The following GRIK2 variants were observed in gnomAD, a reference collection of about 807,000 sequenced individuals.
GRIK2 encodes glutamate receptor ionotropic, kainate 2.
GRIK2 carries 32 observed loss-of-function variants against 100.3 expected under a neutral mutation model. That is an observed-to-expected ratio of 0.32 (90% confidence interval 0.24 to 0.43). The LOEUF is 0.43. Ranked by LOEUF, GRIK2 falls within the 20% of genes least tolerant of loss-of-function variation. The probability of loss-of-function intolerance (pLI) is 1.00; values close to 1 mark genes in which losing one functional copy is unlikely to be tolerated. For synonymous variants in GRIK2, 417 were observed against 389.4 expected, an observed-to-expected ratio of 1.07 and a Z score of -0.83; for missense variants, 843 against 1,114.9, an observed-to-expected ratio of 0.76 and a Z score of 3.47.
At chr6:101,809,507 A>G (rs892779361) in intron 9 of GRIK2, among the ~76,000 whole-genome samples, 2 of 151,978 alleles carry the variant, frequency 1.3e-5, no homozygotes, top group Non-Finnish European at 2.9e-5. Context: ...TGAAATTTAC[A>G]TTAATTATAG....
chr6:101,813,708 A>G (rs1247466812), intron 9 of GRIK2, among the ~76,000 whole-genome samples: 1 of 152,154 alleles, frequency 6.6e-6, no homozygotes, highest in Non-Finnish European at 1.5e-5. Context: ...TCATGCTTGT[A>G]ATTTCACCAC....
intron 2 of GRIK2, among the ~76,000 whole-genome samples, chr6:101,601,746 T>C (rs117179483): frequency 0.03 from 4,591 of 151,980 alleles, 115 homozygotes; most frequent in Non-Finnish European, 0.044. Flanking sequence ...TCTCTGAGGA[T>C]CTTTTGTATT....
intron 7 of GRIK2, among the ~76,000 whole-genome samples, chr6:101,726,256 T>C (rs996705111): frequency 6.6e-6 from 1 of 152,012 alleles, no homozygotes; most frequent in Non-Finnish European, 1.5e-5. Context: ...TTAGCCTCTA[T>C]GTTTAATAGA....
chr6:101,979,197 A>T (rs1793573496), intron 14 of GRIK2, among the ~76,000 whole-genome samples: 1 of 151,964 alleles, frequency 6.6e-6, no homozygotes, highest in African/African-American at 2.4e-5. Context: ...AGGAAGTAGT[A>T]GTCAGAGAGT....
rs374989573 is a variant in GRIK2 at position 101,640,907 on chromosome 6, T to G, written c.541+14270T>G. Among the ~76,000 whole-genome samples, 13 of 152,288 alleles carry G rather than the reference T, an allele frequency of 8.5e-5. No individual in the cohort carries two copies. The South Asian group carries it at 2.7e-3, about 32-fold the overall frequency. ...CAATATGATAAACAAAGGCATCATT[T>G]TGTATGTAAAACAAATTTAAAATGT... On this transcript the variant is annotated intron_variant, in intron 4 of 16. Coordinates refer to ENST00000369134, the MANE Select transcript of GRIK2 (RefSeq NM_021956.5).
intron 2 of GRIK2, among the ~76,000 whole-genome samples, chr6:101,540,923 G>A (rs2128288421): frequency 6.6e-6 from 1 of 152,020 alleles, no homozygotes; most frequent in Non-Finnish European, 1.5e-5. Flanking sequence ...TAATACACCA[G>A]AATTTTAAGA....
intron 7 of GRIK2, among the ~76,000 whole-genome samples, chr6:101,794,456 A>G (rs1780146562): frequency 6.6e-6 from 1 of 151,966 alleles, no homozygotes; most frequent in Non-Finnish European, 1.5e-5. Context: ...TTGTGTTTAT[A>G]TCAAAGGTTA....
chr6:101,548,981 G>A (rs1337695564), intron 2 of GRIK2, among the ~76,000 whole-genome samples: 4 of 152,074 alleles, frequency 2.6e-5, no homozygotes, highest in Non-Finnish European at 5.9e-5. Flanking sequence ...TCTTGGAAGA[G>A]GCCAGATGGT....
intron 11 of GRIK2, among the ~76,000 whole-genome samples, chr6:101,865,898 GA>G (rs1158376485): frequency 1.3e-3 from 124 of 95,564 alleles, no homozygotes; most frequent in South Asian, 2.9e-3. Flanking sequence ...CAAAAAAAAA[GA>G]AAAAAAAAAA....
intron 2 of GRIK2, among the ~76,000 whole-genome samples, chr6:101,556,317 G>T (rs1776734711): frequency 2.7e-5 from 2 of 73,524 alleles, no homozygotes; most frequent in South Asian, 3.8e-4. Flanking sequence ...GTAATATATT[G>T]GTAATTTTTT....
chr6:101,762,508 C>T (rs534988731), intron 7 of GRIK2, among the ~76,000 whole-genome samples: 17 of 152,184 alleles, frequency 1.1e-4, no homozygotes, highest in South Asian at 4.1e-4. Flanking sequence ...GCAGGGATTA[C>T]ACGTGTGAGC....
At chr6:101,461,600 G>A (rs1771311545) in intron 2 of GRIK2, among the ~76,000 whole-genome samples, 1 of 152,128 alleles carries the variant, frequency 6.6e-6, no homozygotes, top group Admixed American at 6.5e-5. Context: ...AATCCATGAT[G>A]GTTTCCACAT....
At chr6:102,052,699 A>G (rs1237205661) in intron 15 of GRIK2, among the ~76,000 whole-genome samples, 1 of 152,220 alleles carries the variant, frequency 6.6e-6, no homozygotes, top group Non-Finnish European at 1.5e-5. Flanking sequence ...TCACAAAATA[A>G]ATACTTAAGT....
intron 15 of GRIK2, among the ~76,000 whole-genome samples, chr6:102,036,938 A>G (rs1241498713): frequency 1.3e-5 from 2 of 151,408 alleles, no homozygotes; most frequent in Admixed American, 6.6e-5. Context: ...AATGCTGTAC[A>G]TGCTTTGGAC....
chr6:101,651,096 G>C (rs1781770238), intron 4 of GRIK2, among the ~76,000 whole-genome samples: 1 of 138,728 alleles, frequency 7.2e-6, no homozygotes, highest in Non-Finnish European at 1.5e-5. Context: ...CATCTAAAAT[G>C]TTTCACTCTC....
At chr6:101,451,698 G>GT in intron 2 of GRIK2, among the ~76,000 whole-genome samples, 1 of 59,178 alleles carries the variant, frequency 1.7e-5, no homozygotes, top group Admixed American at 2.1e-4. Context: ...ATCTCTGAGG[G>GT]GGGGGGGGGT....
At chr6:102,023,576 A>G (rs1007046236) in intron 14 of GRIK2, among the ~76,000 whole-genome samples, 2 of 151,608 alleles carry the variant, frequency 1.3e-5, no homozygotes, top group African/African-American at 4.8e-5. Flanking sequence ...GTCAACTACT[A>G]AAAGTGAGTT....
chr6:101,668,091 T>G (rs1242229922), intron 4 of GRIK2, among the ~76,000 whole-genome samples: 1 of 152,204 alleles, frequency 6.6e-6, no homozygotes, highest in Non-Finnish European at 1.5e-5. Flanking sequence ...TCTGTAAAAT[T>G]AGCATTCAGA....
chr6:101,837,116 G>C (rs1445330841), intron 10 of GRIK2, among the ~76,000 whole-genome samples: 1 of 152,058 alleles, frequency 6.6e-6, no homozygotes, highest in Non-Finnish European at 1.5e-5. Flanking sequence ...CTGTATCACT[G>C]AGTATTGGTC....
Sources: allele counts gnomAD v4.1 joint callset (sites outside exome capture counted in the v4.1 genomes callset), GRCh38; gene constraint gnomAD v4.1.1; transcripts MANE v1.5; gene names NCBI Gene and HGNC (gene_info 2026-07-23, HGNC 2026-07-21).